MBNL1: variants seen among roughly 807,000 people sequenced by gnomAD.
MBNL1 encodes the protein muscleblind-like protein 1.
A neutral mutation model predicts 42.2 loss-of-function variants in MBNL1; 8 were observed. That is an observed-to-expected ratio of 0.19 (90% CI 0.11 to 0.34). The LOEUF (loss-of-function observed/expected upper bound fraction) is 0.34, where lower values mean the gene tolerates loss of function less well. Among genes scored for constraint, MBNL1 ranks in the 10% least tolerant of loss-of-function variants. The pLI, the probability that MBNL1 is intolerant of heterozygous loss-of-function variation, is 1.00. For missense variants in MBNL1, 309 were observed against 495.3 expected, an observed-to-expected ratio of 0.62 and a Z score of 3.57; for synonymous variants, 169 against 173.9, an observed-to-expected ratio of 0.97 and a Z score of 0.22.
chr3:152,407,209 CTTTTTTTTTTTTT>C (rs60509782), intron 2 of MBNL1, among the ~76,000 whole-genome samples: 6 of 54,378 alleles, frequency 1.1e-4, no homozygotes, highest in Admixed American at 2.4e-4. Flanking sequence ...GAAATATGTT[CTTTTTTTTTTTTT>C]TTTTTTTTTT....
chr3:152,461,207 A>C (rs1464918691), intron 9 of MBNL1, among the ~76,000 whole-genome samples: 1 of 152,244 alleles, frequency 6.6e-6, no homozygotes, highest in Non-Finnish European at 1.5e-5. Context: ...GGCAGAATTC[A>C]ATAGCCATTT....
chr3:152,408,532 T>C (rs1378962457), intron 2 of MBNL1, among the ~76,000 whole-genome samples: 3 of 152,072 alleles, frequency 2.0e-5, no homozygotes, highest in Non-Finnish European at 4.4e-5. Flanking sequence ...TAGAAATAGG[T>C]GCATAATTGG....
intron 2 of MBNL1, among the ~76,000 whole-genome samples, chr3:152,319,243 T>C (rs1251253632): frequency 3.9e-5 from 6 of 152,186 alleles, no homozygotes; most frequent in Non-Finnish European, 8.8e-5. Context: ...AATGGTTTTG[T>C]TTAGCATTTA....
intron 2 of MBNL1, among the ~76,000 whole-genome samples, chr3:152,360,496 T>C (rs1397749444): frequency 1.3e-5 from 2 of 152,076 alleles, no homozygotes; most frequent in African/African-American, 4.8e-5. Flanking sequence ...CCTGTCCCCA[T>C]CTCTCTCTGT....
In MBNL1 at chr3:152,456,296, A is replaced by G. The variant is rs1733662398; in HGVS notation, c.1027A>G (p.Thr343Ala). 1 of 1,613,804 alleles carries G rather than the reference A, an allele frequency of 6.2e-7. No individual in the cohort carries two copies. The highest frequency in any genetic ancestry group is 1.7e-5 in the Admixed American group (1 of 59,978). ...CATGGTGCACGGTGCTACGCCAGCC[A>G]CTGTGTCCGCAGCAACAACATCTGC... Reference protein sequence around the residue: ...VPMVHGATPATVSAATTSATS... With the variant: ...VPMVHGATPAAVSAATTSATS... The change falls in exon 8 of 10, where the codon ACT becomes GCT. Residue 343 changes from threonine (T) to alanine (A), a missense_variant. Coordinates refer to ENST00000324210, the MANE Select transcript of MBNL1 (RefSeq NM_021038.5).
At chr3:152,304,299 G>A (rs1312851304) in intron 2 of MBNL1, among the ~76,000 whole-genome samples, 1 of 152,160 alleles carries the variant, frequency 6.6e-6, no homozygotes, top group Admixed American at 6.5e-5. Context: ...AAGATCCTCT[G>A]TTGCTAGCAT....
intron 2 of MBNL1, chr3:152,340,378 T>C (rs1413150098): frequency 1.2e-5 from 11 of 880,706 alleles, no homozygotes; most frequent in Non-Finnish European, 1.9e-5. Flanking sequence ...TGGTGTATAC[T>C]TGCCACCTCT....
chr3:152,424,727 T>C (rs1368102809), intron 3 of MBNL1, among the ~76,000 whole-genome samples: 2 of 152,014 alleles, frequency 1.3e-5, no homozygotes, highest in Non-Finnish European at 2.9e-5. Context: ...CCAAAACAGA[T>C]ATATAGACCA....
chr3:152,301,824 G>A (rs2060838584), intron 2 of MBNL1: 1 of 152,122 alleles, frequency 6.6e-6, no homozygotes, highest in Non-Finnish European at 1.5e-5. Context: ...AAAATGAGGG[G>A]CAAGGAGCTA....
chr3:152,320,779 A>G (rs908664145), intron 2 of MBNL1, among the ~76,000 whole-genome samples: 1 of 151,368 alleles, frequency 6.6e-6, no homozygotes. Context: ...CATTCTGGGA[A>G]CCAGACTATT....
chr3:152,300,492 T>C (rs2060281038), intron 2 of MBNL1, 125 bp downstream of exon 2: 1 of 765,748 alleles, frequency 1.3e-6, no homozygotes, highest in Non-Finnish European at 2.0e-6. Flanking sequence ...AGTGTGTTGA[T>C]GATGTTGGGC....
chr3:152,275,651 T>C (rs2044603802), intron 1 of MBNL1, among the ~76,000 whole-genome samples: 1 of 134,154 alleles, frequency 7.5e-6, no homozygotes, highest in Non-Finnish European at 1.5e-5. Flanking sequence ...GAGGTTGCAG[T>C]GAGCTGAGAT....
intron 2 of MBNL1, among the ~76,000 whole-genome samples, chr3:152,387,081 T>C (rs1476624512): frequency 6.6e-6 from 1 of 152,134 alleles, no homozygotes; most frequent in Non-Finnish European, 1.5e-5. Context: ...TAATAGTCTT[T>C]AGTTCTAAGA....
At chr3:152,398,427 A>T (rs529729997) in intron 2 of MBNL1, among the ~76,000 whole-genome samples, 1 of 152,268 alleles carries the variant, frequency 6.6e-6, no homozygotes, top group African/African-American at 2.4e-5. Context: ...TATTGTTTTT[A>T]AATATTATGG....
intron 6 of MBNL1, among the ~76,000 whole-genome samples, chr3:152,452,835 A>G (rs888222969): frequency 1.3e-5 from 2 of 152,180 alleles, no homozygotes; most frequent in East Asian, 3.9e-4. Flanking sequence ...ACAGTTCTGA[A>G]AATACATTTA....
At chr3:152,264,330 G>A (rs1014240272), upstream of MBNL1, 2 of 151,478 alleles carry the variant, frequency 1.3e-5, no homozygotes, top group African/African-American at 4.9e-5. Context: ...TTTTCTGTAT[G>A]GAAAGAAGAA....
At position 152,270,240 on chromosome 3, in the gene MBNL1, C is replaced by G. The variant is rs6803021; in HGVS notation, c.-790+1148C>G. Among the ~76,000 whole-genome samples the G allele has an allele frequency of 5.8e-3, 886 of 152,196 alleles. 8 individuals carry two copies. The highest frequency in any genetic ancestry group is 0.021 in the African/African-American group (857 of 41,500). ...CTTTGTGTGCCCACCAGCACAGGCA[C>G]AAGTCATAGCAGATGGATGGCAAAC... On this transcript the variant is annotated intron_variant, in intron 1 of 9. Transcript: ENST00000324210.
chr3:152,452,705 T>A (rs960780102), intron 6 of MBNL1, among the ~76,000 whole-genome samples: 5 of 152,170 alleles, frequency 3.3e-5, no homozygotes, highest in African/African-American at 1.2e-4. Flanking sequence ...ACTTCAATCT[T>A]GAGGAATTTT....
chr3:152,458,463 AGAGTAAT>A, intron 8 of MBNL1: 1 of 414,598 alleles, frequency 2.4e-6, no homozygotes, highest in Non-Finnish European at 4.5e-6. Context: ...ACTTAAGCAT[AGAGTAAT>A]GAGTTGCTTT....
Sources: gnomAD v4.1 joint callset for allele counts (sites outside exome capture counted in the v4.1 genomes callset) on GRCh38, gnomAD v4.1.1 for gene constraint, MANE v1.5 for transcripts, NCBI Gene and HGNC (gene_info 2026-07-23, HGNC 2026-07-21) for gene names.